The following ASS1 variants were observed in gnomAD, a reference collection of about 807,000 sequenced individuals.
ASS1 encodes the protein argininosuccinate synthase 1, also known as argininosuccinate synthase.
ASS1 carries 58 observed loss-of-function variants against 60.5 expected under a neutral mutation model. The observed-to-expected ratio is 0.96, with a 90% CI of 0.78 to 1.19. The LOEUF (loss-of-function observed/expected upper bound fraction) is 1.19, where lower values mean the gene tolerates loss of function less well. ASS1 is among the 50% of genes most tolerant of loss of function. The pLI, the probability that ASS1 is intolerant of heterozygous loss-of-function variation, is 0.00. For missense variants in ASS1, 454 were observed against 547.3 expected (o/e 0.83, Z 1.70); for synonymous variants, 200 against 206.9 (o/e 0.97, Z 0.29).
At position 130,476,834 on chromosome 9, in the gene ASS1, G is replaced by A. The variant is rs763151803; in HGVS notation, c.598-37G>A. On this transcript the variant is annotated intron_variant, in intron 8 of 14. Coordinates refer to ENST00000352480, the MANE Select transcript of ASS1 (RefSeq NM_054012.4). The surrounding 1 kb of genome is among the most constrained non-coding windows in gnomAD (Gnocchi z 4.9). ...TGGGCTGTAGGGTGTCCAGGGACTG[G>A]TATGTCATCTGCCCACCACTTTCTG... 29 of 1,572,330 alleles carry A rather than the reference G, an allele frequency of 1.8e-5. No individual in the cohort carries two copies. Among genetic ancestry groups the A allele is most frequent in the Non-Finnish European group, 2.4e-5 (27 of 1,142,670 alleles).
At chr9:130,493,740 C>T (rs1319547812) in intron 12 of ASS1, among the ~76,000 whole-genome samples, 2 of 151,942 alleles carry the variant, frequency 1.3e-5, no homozygotes, top group South Asian at 2.1e-4. Context: ...TGTCCCTCCC[C>T]CCGCCATGGC....
chr9:130,460,680 C>T (rs1845568406), intron 4 of ASS1, among the ~76,000 whole-genome samples: 1 of 152,066 alleles, frequency 6.6e-6, no homozygotes, highest in African/African-American at 2.4e-5. Context: ...GGCAATAGGG[C>T]CAGGACTGGG....
chr9:130,476,555 C>T lies in ASS1; in HGVS notation c.598-316C>T. ...GAAGCCCTCGGAACGCCGCCTTGCT[C>T]CTCCAAAGTCACACTTTTTCCTGCC... is the stretch of plus-strand genomic sequence containing the variant. On this transcript the variant is annotated intron_variant, in intron 8 of 14. Coordinates refer to ENST00000352480, the MANE Select transcript of ASS1 (RefSeq NM_054012.4). This position sits in a 1 kb window ranked among gnomAD's most constrained non-coding sequence, Gnocchi z 4.9. 1 of 499,334 alleles carries T rather than the reference C, an allele frequency of 2.0e-6. No homozygotes were observed. The highest frequency in any genetic ancestry group is 3.7e-6 in the Non-Finnish European group (1 of 273,680). 30.9% of individuals were successfully genotyped at this position (499,334 alleles called of 1,614,324 possible). A position where few individuals can be genotyped will look rare whatever the true frequency, so the allele number is the denominator to read the frequency against.
At chr9:130,469,848 G>A (rs1038490203) in intron 6 of ASS1, among the ~76,000 whole-genome samples, 13 of 152,208 alleles carry the variant, frequency 8.5e-5, no homozygotes, top group African/African-American at 3.1e-4. Context: ...GAGAGAGATG[G>A]GAGGGTGACC....
intron 6 of ASS1, among the ~76,000 whole-genome samples, chr9:130,468,982 T>C (rs930230079): frequency 1.1e-4 from 17 of 152,230 alleles, no homozygotes; most frequent in Non-Finnish European, 4.4e-5. Flanking sequence ...GTCATTGTCA[T>C]TGGCCCCTGT....
At chr9:130,465,417 C>T (rs893189703) in intron 5 of ASS1, among the ~76,000 whole-genome samples, 1 of 152,232 alleles carries the variant, frequency 6.6e-6, no homozygotes, top group Non-Finnish European at 1.5e-5. Context: ...ATCATTCCTC[C>T]TATAATCAAT....
chr9:130,448,667 G>A (rs555675198), intron 1 of ASS1, among the ~76,000 whole-genome samples: 11 of 152,260 alleles, frequency 7.2e-5, no homozygotes, highest in African/African-American at 2.4e-4. Flanking sequence ...AGGTTCAAGC[G>A]ATTCTCGTGC....
chr9:130,448,945 A>G (rs1334999493), intron 1 of ASS1, among the ~76,000 whole-genome samples: 1 of 152,160 alleles, frequency 6.6e-6, no homozygotes, highest in Non-Finnish European at 1.5e-5. Flanking sequence ...CAGAGAGTGG[A>G]ACTAGTAGCA....
intron 7 of ASS1, among the ~76,000 whole-genome samples, chr9:130,471,114 T>C (rs571406852): frequency 1.4e-4 from 22 of 152,112 alleles, no homozygotes; most frequent in Non-Finnish European, 2.4e-4. Flanking sequence ...AGATAGATCA[T>C]GGGGACCCGG....
At chr9:130,500,498 G>A (rs1379132779) in intron 14 of ASS1, among the ~76,000 whole-genome samples, 1 of 151,984 alleles carries the variant, frequency 6.6e-6, no homozygotes, top group Non-Finnish European at 1.5e-5. Flanking sequence ...AACATGCCCT[G>A]GGCACAGAGC....
rs952659036 is a variant in ASS1 at position 130,476,078 on chromosome 9, C to A, written c.598-793C>A. ...CCAGCCGTCTGCAAGGTTTTTAAAG[C>A]AAAGATGAGACAGCAGTTCCTGGAT... On this transcript the variant is annotated intron_variant, in intron 8 of 14. Transcript: ENST00000352480. The surrounding 1 kb of genome is among the most constrained non-coding windows in gnomAD (Gnocchi z 4.9). Among the ~76,000 whole-genome samples, 9 of 152,082 alleles carry A rather than the reference C, an allele frequency of 5.9e-5. No homozygotes were observed. The highest frequency in any genetic ancestry group is 2.2e-4 in the African/African-American group (9 of 41,404).
At chr9:130,467,543 A>T (rs1845772916) in intron 6 of ASS1, among the ~76,000 whole-genome samples, 1 of 152,288 alleles carries the variant, frequency 6.6e-6, no homozygotes, top group South Asian at 2.1e-4. Flanking sequence ...GCCGCGTGGT[A>T]GGGGAGGCGG....
chr9:130,499,108 G>A (rs1165484368), intron 13 of ASS1, among the ~76,000 whole-genome samples: 1 of 152,198 alleles, frequency 6.6e-6, no homozygotes, highest in East Asian at 1.9e-4. Flanking sequence ...AAGGCCTCCT[G>A]AGCCTTCAGG....
chr9:130,501,245 A>G lies in ASS1; in HGVS notation c.*224A>G. ...GCGGTGGGGAGCTATAAAAATGACA[A>G]TTAAAAGAGACACTAGTCTTTTATT... On this transcript the variant is annotated 3_prime_UTR_variant, in exon 15 of 15. Coordinates refer to ENST00000352480, the MANE Select transcript of ASS1 (RefSeq NM_054012.4). 1 of 553,916 alleles carries G rather than the reference A, an allele frequency of 1.8e-6. No homozygotes were observed. The highest frequency in any genetic ancestry group is 3.2e-6 in the Non-Finnish European group (1 of 309,494). The allele number at this position is 553,916 out of a possible 1,614,324, so 34.3% of individuals were successfully genotyped here.
chr9:130,492,715 C>T (rs1450398533), intron 12 of ASS1, among the ~76,000 whole-genome samples: 1 of 152,242 alleles, frequency 6.6e-6, no homozygotes, highest in Admixed American at 6.5e-5. Context: ...TAATGTGCAA[C>T]TCACACAGAA....
At position 130,482,361 on chromosome 9, in the gene ASS1, TATC is replaced by T. The variant is rs761210967; in HGVS notation, c.838+1915_838+1917del. On this transcript the variant is annotated intron_variant, in intron 11 of 14. Transcript: ENST00000352480. ...GTGGGTTCCAGTATTGCACCTGTCT[TATC>T]ATAATAAGGGCCTGCCACAGGCATG... Among the ~76,000 whole-genome samples, 54 of 151,300 alleles carry T rather than the reference TATC, an allele frequency of 3.6e-4. 1 individual carries two copies. The highest frequency in any genetic ancestry group is 2.1e-4 in the South Asian group (1 of 4,764).
rs770116104 is a variant in ASS1, at chr9:130,452,212, G to A, written c.-5-12G>A. On this transcript the variant is annotated splice_polypyrimidine_tract_variant and intron_variant, in intron 1 of 14. Transcript: ENST00000352480. ...CTCAGGGTCACTCAGGTTGTTCCTCGACTCCCGCCAGACGCTATGTCCAGC... is the reference window on the plus strand; with the variant it reads ...CTCAGGGTCACTCAGGTTGTTCCTCAACTCCCGCCAGACGCTATGTCCAGC... The A allele has an allele frequency of 1.9e-5, 31 of 1,612,840 alleles. No homozygotes were observed. Among genetic ancestry groups the A allele is most frequent in the Middle Eastern group, 3.3e-4 (2 of 6,078 alleles).
rs1846461043 is a variant in ASS1, at chr9:130,491,938, T to C, written c.970+2474T>C. Among the ~76,000 whole-genome samples, 1 of 152,280 alleles carries C rather than the reference T, an allele frequency of 6.6e-6. No individual in the cohort carries two copies. Among genetic ancestry groups the C allele is most frequent in the Non-Finnish European group, 1.5e-5 (1 of 68,024 alleles). ...CTCAGAGGGCCTGTTTGATGCGATT[T>C]TCCCCATGAGGGATACAGACATGGT... On this transcript the variant is annotated intron_variant, in intron 12 of 14. Coordinates refer to ENST00000352480, the MANE Select transcript of ASS1 (RefSeq NM_054012.4). This position sits in a 1 kb window ranked among gnomAD's most constrained non-coding sequence, Gnocchi z 5.3.
At chr9:130,458,130 A>G (rs561263890) in intron 3 of ASS1, among the ~76,000 whole-genome samples, 38 of 151,340 alleles carry the variant, frequency 2.5e-4, no homozygotes, top group African/African-American at 7.8e-4. Flanking sequence ...CTGCACTCCA[A>G]CCTGGGCAAC....
Sources: allele counts gnomAD v4.1 joint callset (sites outside exome capture counted in the v4.1 genomes callset), GRCh38; gene constraint gnomAD v4.1.1; non-coding constraint Gnocchi (gnomAD v3.1); transcripts MANE v1.5; gene names NCBI Gene and HGNC (gene_info 2026-07-23, HGNC 2026-07-21).